The following TRPM3 variants were observed in gnomAD, a reference collection of about 807,000 sequenced individuals.
TRPM3 encodes long transient receptor potential channel 3.
In TRPM3, 77 loss-of-function variants were observed where a neutral mutation model predicts 181.2. The ratio of observed to expected loss-of-function variants is 0.42; its 90% confidence interval spans 0.35 to 0.51. The LOEUF (loss-of-function observed/expected upper bound fraction) is 0.51. TRPM3 is among the 20% of genes least tolerant of loss of function. The probability of loss-of-function intolerance (pLI) is 0.01; values close to 1 mark genes in which losing one functional copy is unlikely to be tolerated. For missense variants in TRPM3, 1,759 were observed against 2,196.7 expected (o/e 0.80, Z 3.98); for synonymous variants, 745 against 796.4 (o/e 0.94, Z 1.09).
intron 1 of TRPM3, among the ~76,000 whole-genome samples, chr9:71,405,146 T>C (rs146107001): frequency 1.3e-5 from 2 of 152,340 alleles, no homozygotes; most frequent in East Asian, 3.9e-4. Flanking sequence ...TATCAGTAAA[T>C]ATTTGCCAAC....
intron 1 of TRPM3, among the ~76,000 whole-genome samples, chr9:71,205,960 A>G (rs1281602773): frequency 6.6e-6 from 1 of 152,200 alleles, no homozygotes; most frequent in African/African-American, 2.4e-5. Context: ...TATTCTGAAA[A>G]CACTCTTTAA....
At chr9:71,294,640 C>A (rs1027778469) in intron 1 of TRPM3, among the ~76,000 whole-genome samples, 3 of 152,044 alleles carry the variant, frequency 2.0e-5, no homozygotes, top group African/African-American at 7.2e-5. Flanking sequence ...TAAGTGTAAA[C>A]CCCAGAAAAA....
intron 1 of TRPM3, among the ~76,000 whole-genome samples, chr9:71,396,885 G>A (rs928475071): frequency 6.6e-6 from 1 of 151,254 alleles, no homozygotes; most frequent in African/African-American, 2.4e-5. Context: ...AGAATCGCTT[G>A]AACCCGGGAG....
intron 1 of TRPM3, among the ~76,000 whole-genome samples, chr9:71,307,958 T>TTTTC (rs1243731160): frequency 2.6e-5 from 4 of 151,716 alleles, no homozygotes; most frequent in Non-Finnish European, 4.4e-5. Context: ...AGAAGTTATT[T>TTTTC]TTTCTTTCTT....
At chr9:70,956,830 G>A (rs1475168332) in intron 1 of TRPM3, among the ~76,000 whole-genome samples, 1 of 151,514 alleles carries the variant, frequency 6.6e-6, no homozygotes, top group Admixed American at 6.6e-5. Context: ...AGGCTGTAGT[G>A]AGCTGTGATC....
intron 1 of TRPM3, among the ~76,000 whole-genome samples, chr9:71,012,021 G>A (rs189810512): frequency 1.3e-5 from 2 of 152,112 alleles, no homozygotes; most frequent in Admixed American, 1.3e-4. Context: ...GGGCTCAAGC[G>A]ATCTGCCCGC....
At chr9:71,273,163 T>G (rs2083937024) in intron 1 of TRPM3, among the ~76,000 whole-genome samples, 1 of 152,212 alleles carries the variant, frequency 6.6e-6, no homozygotes, top group South Asian at 2.1e-4. Context: ...GAGCCCAGCC[T>G]ATTAAAGCAT....
chr9:71,349,421 G>C (rs962672128), intron 1 of TRPM3, among the ~76,000 whole-genome samples: 2 of 152,198 alleles, frequency 1.3e-5, no homozygotes, highest in Non-Finnish European at 2.9e-5. Context: ...GAGCTGAGCA[G>C]ATTAAGACTC....
intron 1 of TRPM3, among the ~76,000 whole-genome samples, chr9:71,301,238 T>C (rs1048816866): frequency 6.6e-6 from 1 of 152,174 alleles, no homozygotes; most frequent in Non-Finnish European, 1.5e-5. Flanking sequence ...CACAGCACCC[T>C]GTCCAAGAGC....
chr9:71,111,762 T>G (rs2071158092), intron 1 of TRPM3, among the ~76,000 whole-genome samples: 1 of 152,328 alleles, frequency 6.6e-6, no homozygotes, highest in Non-Finnish European at 1.5e-5. Flanking sequence ...ATATGATAGC[T>G]CATTCTTTCC....
intron 1 of TRPM3, among the ~76,000 whole-genome samples, chr9:71,133,986 TGTGTGTGTGTG>T (rs1440329345): frequency 1.2e-5 from 1 of 80,744 alleles, no homozygotes; most frequent in African/African-American, 4.0e-5. Flanking sequence ...TGTGTGTGTG[TGTGTGTGTGTG>T]TGTGTGTGTG....
intron 1 of TRPM3, among the ~76,000 whole-genome samples, chr9:71,133,976 TGTGTGTG>T (rs2074554507): frequency 1.8e-3 from 4 of 2,194 alleles, no homozygotes; most frequent in Admixed American, 9.6e-3. Flanking sequence ...TGTGTGTTTG[TGTGTGTG>T]TGTGTGTGTG....
intron 1 of TRPM3, among the ~76,000 whole-genome samples, chr9:70,980,018 T>C (rs1307801770): frequency 6.8e-6 from 1 of 147,528 alleles, no homozygotes; most frequent in Admixed American, 6.9e-5. Context: ...ACACATGGAT[T>C]TTGGCAGGAC....
In TRPM3 at chr9:70,620,068, G is replaced by A. The variant is rs199540842; in HGVS notation, c.2129+8C>T. ...CCCTGACCAGCCCATTTTGCTGGGCGGACCCACCTGGAATTGTGATTCAGC... is the reference window on the plus strand; with the variant it reads ...CCCTGACCAGCCCATTTTGCTGGGCAGACCCACCTGGAATTGTGATTCAGC... On this transcript the variant is annotated splice_region_variant and intron_variant, in intron 16 of 25. Transcript: ENST00000677713. The A allele has an allele frequency of 7.1e-5, 114 of 1,597,548 alleles. No individual in the cohort carries two copies. The highest frequency in any genetic ancestry group is 2.7e-4 in the African/African-American group (20 of 74,762).
chr9:71,258,248 T>C (rs181237144), intron 1 of TRPM3, among the ~76,000 whole-genome samples: 98 of 152,280 alleles, frequency 6.4e-4, no homozygotes, highest in African/African-American at 2.3e-3. Context: ...AGCCCCACTT[T>C]TCAGATGGGG....
intron 1 of TRPM3, among the ~76,000 whole-genome samples, chr9:71,014,740 T>C (rs2097770856): frequency 6.6e-6 from 1 of 152,168 alleles, no homozygotes; most frequent in Non-Finnish European, 1.5e-5. Flanking sequence ...TTTAGGCATA[T>C]ATTGTATACA....
At chr9:70,978,964 A>C (rs1370093034) in intron 1 of TRPM3, among the ~76,000 whole-genome samples, 1 of 152,222 alleles carries the variant, frequency 6.6e-6, no homozygotes, top group Admixed American at 6.5e-5. Context: ...CCAGGGAAGA[A>C]AGGAAATCAG....
At chr9:71,415,342 G>C (rs1588924135) in intron 1 of TRPM3, among the ~76,000 whole-genome samples, 1 of 152,082 alleles carries the variant, frequency 6.6e-6, no homozygotes, top group East Asian at 1.9e-4. Flanking sequence ...GTTTGTGGTT[G>C]TTGTATTAGC....
chr9:70,873,643 A>G (rs777860503), intron 1 of TRPM3, among the ~76,000 whole-genome samples: 25 of 151,968 alleles, frequency 1.6e-4, no homozygotes, highest in Admixed American at 3.3e-4. Flanking sequence ...ACTCTGCATG[A>G]AACATTGTGT....
Sources: gnomAD v4.1 joint callset for allele counts (sites outside exome capture counted in the v4.1 genomes callset) on GRCh38, gnomAD v4.1.1 for gene constraint, MANE v1.5 for transcripts, NCBI Gene and HGNC (gene_info 2026-07-23, HGNC 2026-07-21) for gene names.